Variants in ASB10 observed in about 807,000 individuals in gnomAD.
ASB10 encodes ankyrin repeat and SOCS box containing 10, also known as ankyrin repeat and SOCS box protein 10.
In ASB10, 44 loss-of-function variants were observed where a neutral mutation model predicts 35.4. The ratio of observed to expected loss-of-function variants is 1.24; its 90% CI spans 0.98 to 1.60. ASB10 has a LOEUF of 1.60. ASB10 is among the 40% of genes most tolerant of loss of function. The probability of loss-of-function intolerance (pLI) is 0.00; values close to 1 mark genes in which losing one functional copy is unlikely to be tolerated. For synonymous variants in ASB10, 294 were observed against 280.4 expected (o/e 1.05, Z -0.49); for missense variants, 647 against 634.3 (o/e 1.02, Z -0.22).
intron 2 of ASB10, among the ~76,000 whole-genome samples, chr7:151,184,953 C>A (rs1267255185): frequency 6.6e-6 from 1 of 151,672 alleles, no homozygotes; most frequent in Non-Finnish European, 1.5e-5. Context: ...ACCCGGGAGG[C>A]GGAGCTTGCA....
At chr7:151,187,544 G>A, upstream of ASB10, 1 of 1,551,540 alleles carries the variant, frequency 6.4e-7, no homozygotes. The surrounding 1 kb of genome is among the most constrained non-coding windows in gnomAD (Gnocchi z 5.3). Context: ...CTGCAACCTT[G>A]CCAGGTCCCC....
chr7:151,177,958 TAAG>T (rs1801419722), intron 3 of ASB10, among the ~76,000 whole-genome samples: 1 of 152,058 alleles, frequency 6.6e-6, no homozygotes, highest in African/African-American at 2.4e-5. Context: ...CAATGAAAAA[TAAG>T]AAGGAGCCGG....
chr7:151,185,163 G>C (rs1452734084), intron 2 of ASB10, among the ~76,000 whole-genome samples: 1 of 142,224 alleles, frequency 7.0e-6, no homozygotes, highest in Admixed American at 7.1e-5. Context: ...TCCCAGGCTG[G>C]AGTGCAGTGG....
chr7:151,180,678 T>C (rs1801467619), intron 3 of ASB10, among the ~76,000 whole-genome samples: 1 of 152,216 alleles, frequency 6.6e-6, no homozygotes, highest in Non-Finnish European at 1.5e-5. Flanking sequence ...AGTATATACA[T>C]GCACATACAT....
At chr7:151,176,708 G>T in intron 3 of ASB10, 32 bp from the exon 4 acceptor site, 1 of 1,448,010 alleles carries the variant, frequency 6.9e-7, no homozygotes, top group East Asian at 2.5e-5. Context: ...TGGGTCCTCA[G>T]TCAGTCCACA....
At chr7:151,181,824 G>A (rs548113770) in intron 2 of ASB10, among the ~76,000 whole-genome samples, 4 of 152,188 alleles carry the variant, frequency 2.6e-5, no homozygotes, top group African/African-American at 9.6e-5. Context: ...ATGTTTGCCA[G>A]GCTGGTCTCA....
At chr7:151,178,626 G>A (rs1017498524) in intron 3 of ASB10, among the ~76,000 whole-genome samples, 1 of 152,186 alleles carries the variant, frequency 6.6e-6, no homozygotes, top group African/African-American at 2.4e-5. Context: ...ATCTAGCGGT[G>A]GGGGTTTAAC....
intron 3 of ASB10, among the ~76,000 whole-genome samples, chr7:151,179,326 C>T (rs1023291412): frequency 6.6e-6 from 1 of 152,232 alleles, no homozygotes; most frequent in Non-Finnish European, 1.5e-5. Flanking sequence ...CTCCTAGTCA[C>T]CACTGAACTC....
intron 3 of ASB10, among the ~76,000 whole-genome samples, chr7:151,180,714 C>T (rs1291004377): frequency 2.0e-5 from 3 of 152,218 alleles, no homozygotes; most frequent in Non-Finnish European, 4.4e-5. Flanking sequence ...TACACACGCA[C>T]ACCATGTATA....
chr7:151,178,970 G>A (rs1421922114), intron 3 of ASB10, among the ~76,000 whole-genome samples: 2 of 152,088 alleles, frequency 1.3e-5, no homozygotes, highest in Non-Finnish European at 1.5e-5. Context: ...TGGAATGCCT[G>A]CCTCTTCCTC....
Position 151,175,873 on chromosome 7 carries a change from G to T in ASB10, c.*94C>A, listed in dbSNP as rs1433141058. 8 of 519,550 alleles carry T rather than the reference G, an allele frequency of 1.5e-5. No individual in the cohort carries two copies. Among genetic ancestry groups the T allele is most frequent in the Non-Finnish European group, 2.7e-5 (8 of 300,508 alleles). 32.2% of individuals were successfully genotyped at this position (519,550 alleles called of 1,614,324 possible). A position where few individuals can be genotyped will look rare whatever the true frequency, so the allele number is the denominator to read the frequency against. ...ACCTGCCTGCGGAGCTGGGCCTCCT[G>T]CTGCCAGGGCTACCTGGCCTGAGTT... On this transcript the variant is annotated 3_prime_UTR_variant, in exon 6 of 6. Transcript: ENST00000420175.
chr7:151,176,352 C>G, intron 4 of ASB10, 55 bp from the exon 5 acceptor site: 2 of 1,509,154 alleles, frequency 1.3e-6, no homozygotes, highest in Admixed American at 2.3e-5. Context: ...GTAGCACCGG[C>G]TCCTCCTCAC....
chr7:151,184,849 C>T (rs1030230339), intron 2 of ASB10, among the ~76,000 whole-genome samples: 6 of 151,872 alleles, frequency 4.0e-5, no homozygotes, highest in African/African-American at 1.5e-4. Context: ...TGTGAAACCG[C>T]GTCTCTACTA....
Position 151,180,960 on chromosome 7 carries a change from G to T in ASB10, c.1083C>A (p.Val361=), listed in dbSNP as rs1801473583. 1 of 1,560,524 alleles carries T rather than the reference G, an allele frequency of 6.4e-7. No homozygotes were observed. The highest frequency in any genetic ancestry group is 8.7e-7 in the Non-Finnish European group (1 of 1,148,344). The part of the protein sequence containing the change: ...RALLNHGAVR[V]WPGALPKVLE... ...ATACCTTGGGGAGGGCCCCTGGCCA[G>T]ACACGGACGGCGCCATGGTTGAGCA... The change falls in exon 3 of 6, where the codon GTC becomes GTA. Residue 361 remains valine (V), a synonymous_variant. Coordinates refer to ENST00000420175, the MANE Select transcript of ASB10 (RefSeq NM_001142459.2).
chr7:151,183,610 G>A (rs572237588), intron 2 of ASB10, among the ~76,000 whole-genome samples: 1 of 152,138 alleles, frequency 6.6e-6, no homozygotes, highest in South Asian at 2.1e-4. Context: ...TTTTGAGACG[G>A]AGTTTCCCTC....
At chr7:151,180,134 A>G (rs1416508299) in intron 3 of ASB10, among the ~76,000 whole-genome samples, 2 of 152,150 alleles carry the variant, frequency 1.3e-5, no homozygotes, top group African/African-American at 2.4e-5. Flanking sequence ...GTTCTGAGCC[A>G]TCTCCTCTGA....
chr7:151,176,213 A>G lies in ASB10; in HGVS notation c.1303T>C (p.Ser435Pro). The G allele has an allele frequency of 6.2e-7, 1 of 1,608,424 alleles. No homozygotes were observed. The highest frequency in any genetic ancestry group is 8.5e-7 in the Non-Finnish European group (1 of 1,178,268). Residue 435 changes from serine (S) to proline (P), a missense_variant, in exon 5 of 6, where the codon TCC becomes CCC. Transcript: ENST00000420175. ...LQHLSRCALR[S>P]HLEGSLPQAL... The stretch of plus-strand genomic sequence containing the variant: ...TGGGGCAGGCTGCCCTCCAGGTGGG[A>G]GCGGAGCGCACAGCGGCTCAAATGC...
upstream of ASB10, chr7:151,187,406 G>A: frequency 6.5e-7 from 1 of 1,550,294 alleles, no homozygotes; most frequent in East Asian, 2.4e-5. This position sits in a 1 kb window ranked among gnomAD's most constrained non-coding sequence, Gnocchi z 5.3. Flanking sequence ...GGCCGAGGCA[G>A]TCAGCCCAGC....
In ASB10 at chr7:151,175,879, A is replaced by G; in HGVS notation, c.*88T>C. On this transcript the variant is annotated 3_prime_UTR_variant, in exon 6 of 6. Coordinates refer to ENST00000420175, the MANE Select transcript of ASB10 (RefSeq NM_001142459.2). ...CTGCGGAGCTGGGCCTCCTGCTGCC[A>G]GGGCTACCTGGCCTGAGTTAGTGCA... 1 of 523,298 alleles carries G rather than the reference A, an allele frequency of 1.9e-6. No homozygotes were observed. The highest frequency in any genetic ancestry group is 3.3e-6 in the Non-Finnish European group (1 of 304,368). 32.4% of individuals were successfully genotyped at this position (523,298 alleles called of 1,614,324 possible).
Sources: allele counts gnomAD v4.1 joint callset (sites outside exome capture counted in the v4.1 genomes callset), GRCh38; gene constraint gnomAD v4.1.1; non-coding constraint Gnocchi (gnomAD v3.1); transcripts MANE v1.5; gene names NCBI Gene and HGNC (gene_info 2026-07-23, HGNC 2026-07-21).